Variants in H2AC8 observed in about 807,000 individuals in gnomAD.
The protein encoded by H2AC8 is histone H2A type 1-B/E.
Under a neutral mutation model 6.3 loss-of-function variants are expected in H2AC8, and 9 were observed. That is an observed-to-expected ratio of 1.43 (90% CI 0.86 to 2.49). H2AC8 has a LOEUF of 2.49. H2AC8 is among the 30% of genes most tolerant of loss of function. The probability of loss-of-function intolerance (pLI) is 0.00; values close to 1 mark genes in which losing one functional copy is unlikely to be tolerated. For missense variants in H2AC8, 141 were observed against 177.5 expected (o/e 0.79, Z 1.17); for synonymous variants, 176 against 79.6 (o/e 2.21, Z -6.45).
At chr6:26,216,954 T>A, upstream of H2AC8, 1 of 1,613,696 alleles carries the variant, frequency 6.2e-7, no homozygotes, top group South Asian at 1.1e-5. Context: ...TTGTTAGTTC[T>A]TCTGCTGTTA....
exon 1 of H2AC8, chr6:26,217,052 T>C: frequency 6.2e-7 from 1 of 1,614,186 alleles, no homozygotes. Flanking sequence ...GTCTTCAGTT[T>C]CCAGTTGGCC....
exon 1 of H2AC8, chr6:26,217,337 G>A (rs760636792): frequency 9.9e-5 from 160 of 1,614,022 alleles, no homozygotes; most frequent in East Asian, 1.6e-4. Flanking sequence ...CTAAGAAGAC[G>A]GAGAGCCACC....
At chr6:26,217,214 C>A (rs759090362) in exon 1 of H2AC8, 1 of 1,614,200 alleles carries the variant, frequency 6.2e-7, no homozygotes, top group Non-Finnish European at 8.5e-7. Context: ...CCCGCATCAT[C>A]CCGCGCCACC....
exon 1 of H2AC8, chr6:26,217,034 C>T (rs145928690): frequency 2.6e-5 from 42 of 1,614,080 alleles, no homozygotes; most frequent in Non-Finnish European, 3.3e-5. Context: ...CGCGTTCTTC[C>T]AGGGCCGGTC....
chr6:26,217,381 C>G, exon 1 of H2AC8: 2 of 1,603,182 alleles, frequency 1.2e-6, no homozygotes, highest in Non-Finnish European at 8.5e-7. Context: ...GATTACTAGT[C>G]AAATCCGTCA....
chr6:26,216,941 G>C, upstream of H2AC8: 1 of 1,611,376 alleles, frequency 6.2e-7, no homozygotes, highest in Non-Finnish European at 8.5e-7. Context: ...TTTATTCAGT[G>C]GATTGTTAGT....
At chr6:26,217,111 C>T (rs1320476244) in exon 1 of H2AC8, 3 of 1,614,204 alleles carry the variant, frequency 1.9e-6, no homozygotes, top group Non-Finnish European at 2.5e-6. Context: ...CGAGTCGGGG[C>T]CGGCGCTCCA....
At chr6:26,217,399 C>G in exon 1 of H2AC8, 4 of 1,595,296 alleles carry the variant, frequency 2.5e-6, no homozygotes, top group Non-Finnish European at 3.4e-6. Context: ...TCAGTGATCC[C>G]GAGTCCCAGA....
upstream of H2AC8, chr6:26,216,966 G>A (rs1399185879): frequency 6.8e-6 from 11 of 1,613,952 alleles, no homozygotes; most frequent in South Asian, 2.2e-5. Context: ...CTGCTGTTAG[G>A]AAGCCACTAT....
At chr6:26,217,247 C>T (rs754405426) in exon 1 of H2AC8, 3 of 1,614,092 alleles carry the variant, frequency 1.9e-6, no homozygotes, top group East Asian at 2.2e-5. Flanking sequence ...TCCGCAACGA[C>T]GAGGAGCTAA....
At chr6:26,216,961 G>T (rs199635603), upstream of H2AC8, 3,134 of 1,613,890 alleles carry the variant, frequency 1.9e-3, 5 homozygotes, top group Non-Finnish European at 2.2e-3. Context: ...TTCTTCTGCT[G>T]TTAGGAAGCC....
In H2AC8 at chr6:26,217,253, G is replaced by A. The variant is rs200368615; in HGVS notation, c.279G>A (p.Glu93=). ...AGCTAGCCATCCGCAACGACGAGGA[G>A]CTAAATAAGCTTCTAGGTCGCGTGA... The change falls in exon 1 of 1, where the codon GAG becomes GAA. Residue 93 remains glutamate (E), a synonymous_variant. Transcript: ENST00000303910. 1.1e-4 allele frequency: 178 copies of A among 1,614,218 alleles called. 2 individuals are homozygous for A. The East Asian group carries it at 3.8e-3, about 35-fold the overall frequency.
exon 1 of H2AC8, chr6:26,217,001 C>G: frequency 6.2e-7 from 1 of 1,614,170 alleles, no homozygotes; most frequent in Non-Finnish European, 8.5e-7. Context: ...AGCAAGGCGG[C>G]AAAGCTCGGG....
exon 1 of H2AC8, chr6:26,217,407 A>C (rs1156311596): frequency 1.3e-6 from 2 of 1,592,116 alleles, no homozygotes; most frequent in Admixed American, 3.7e-5. Context: ...CCCGAGTCCC[A>C]GAAACCAAAG....
chr6:26,217,289 G>A, exon 1 of H2AC8: 1 of 1,614,240 alleles, frequency 6.2e-7, no homozygotes, highest in Non-Finnish European at 8.5e-7. Flanking sequence ...CCATCGCGCA[G>A]GGCGGTGTCC....
chr6:26,216,944 T>C (rs745619120), upstream of H2AC8: 69 of 1,611,818 alleles, frequency 4.3e-5, no homozygotes, highest in Admixed American at 1.1e-3. Flanking sequence ...ATTCAGTGGA[T>C]TGTTAGTTCT....
At chr6:26,217,406 C>A in exon 1 of H2AC8, 1 of 1,592,354 alleles carries the variant, frequency 6.3e-7, no homozygotes. Context: ...TCCCGAGTCC[C>A]AGAAACCAAA....
chr6:26,217,250 G>A (rs779305402), exon 1 of H2AC8: 16 of 1,614,240 alleles, frequency 9.9e-6, no homozygotes, highest in East Asian at 2.2e-5. Flanking sequence ...GCAACGACGA[G>A]GAGCTAAATA....
In H2AC8 at chr6:26,216,989, A is replaced by G. The variant is rs138186794; in HGVS notation, c.15A>G (p.Gly5=). The G allele has an allele frequency of 1.4e-4, 230 of 1,614,146 alleles. 1 individual carries two copies. In the African/African-American group the frequency reaches 2.5e-3, roughly 17 times the overall value. The change falls in exon 1 of 1, where the codon GGA becomes GGG. Residue 5 remains glycine, a synonymous_variant. Coordinates refer to ENST00000303910, the Ensembl canonical transcript of H2AC8. ...AGGAAGCCACTATGTCTGGACGTGG[A>G]AAGCAAGGCGGCAAAGCTCGGGCAA... is the stretch of plus-strand genomic sequence containing the variant.
Sources: allele counts gnomAD v4.1 joint callset, GRCh38; gene constraint gnomAD v4.1.1; transcripts MANE v1.5; gene names NCBI Gene and HGNC (gene_info 2026-07-23, HGNC 2026-07-21).